Variants in ZC2HC1B observed in about 807,000 individuals in gnomAD.
ZC2HC1B encodes zinc finger C2HC domain-containing protein 1B.
In ZC2HC1B, 36 loss-of-function variants were observed where a neutral mutation model predicts 31.0. That is an observed-to-expected ratio of 1.16 (90% confidence interval 0.89 to 1.54). The LOEUF is 1.54. ZC2HC1B is among the 40% of genes most tolerant of loss of function. The probability of loss-of-function intolerance (pLI) is 0.00; values close to 1 mark genes in which losing one functional copy is unlikely to be tolerated. For synonymous variants in ZC2HC1B, 73 were observed against 88.0 expected, an observed-to-expected ratio of 0.83 and a Z score of 0.95; for missense variants, 260 against 268.6, an observed-to-expected ratio of 0.97 and a Z score of 0.22.
chr6:143,909,110 GA>G (rs749462930), intron 6 of ZC2HC1B, among the ~76,000 whole-genome samples: 4 of 152,158 alleles, frequency 2.6e-5, no homozygotes, highest in Non-Finnish European at 4.4e-5. Flanking sequence ...GCATCTCAGG[GA>G]TGAAGCCTAC....
At chr6:143,882,683 C>T (rs993849261) in intron 1 of ZC2HC1B, among the ~76,000 whole-genome samples, 5 of 152,122 alleles carry the variant, frequency 3.3e-5, no homozygotes, top group Middle Eastern at 3.4e-3. Flanking sequence ...CTTTCCATGA[C>T]TTCTTCCCTG....
rs764007243 is a variant in ZC2HC1B at position 143,864,528 on chromosome 6, G to A, written c.-12G>A. The A allele has an allele frequency of 6.4e-7, 1 of 1,551,520 alleles. No homozygotes were observed. Among genetic ancestry groups the A allele is most frequent in the African/African-American group, 1.4e-5 (1 of 73,054 alleles). Reference sequence around the variant, plus strand: ...AAATCTGTGAACACTGTTGCTCTGAGTTAGGAACAGAATGGCTGGGGCAGA... The same window carrying A: ...AAATCTGTGAACACTGTTGCTCTGAATTAGGAACAGAATGGCTGGGGCAGA... On this transcript the variant is annotated 5_prime_UTR_variant, in exon 1 of 8. Coordinates refer to ENST00000237275, the MANE Select transcript of ZC2HC1B (RefSeq NM_001013623.3).
chr6:143,881,296 A>G (rs1356986580), intron 1 of ZC2HC1B, among the ~76,000 whole-genome samples: 1 of 152,110 alleles, frequency 6.6e-6, no homozygotes, highest in African/African-American at 2.4e-5. Context: ...TACACCTGCA[A>G]TCCCAATACT....
chr6:143,917,999 A>C lies in ZC2HC1B; in HGVS notation c.598+14847A>C, dbSNP rs1193887457. Reference sequence around the variant, plus strand: ...ATAGTACTAGCTTTTATAATTGTCCATGCATTTACCTTTATTGAGATTTTG... The same window carrying C: ...ATAGTACTAGCTTTTATAATTGTCCCTGCATTTACCTTTATTGAGATTTTG... On this transcript the variant is annotated intron_variant, in intron 6 of 7. Coordinates refer to ENST00000237275, the MANE Select transcript of ZC2HC1B (RefSeq NM_001013623.3). The surrounding 1 kb of genome is among the most constrained non-coding windows in gnomAD (Gnocchi z 4.1). Among the ~76,000 whole-genome samples the C allele has an allele frequency of 1.3e-5, 2 of 152,206 alleles. No individual in the cohort carries two copies. The highest frequency in any genetic ancestry group is 2.9e-5 in the Non-Finnish European group (2 of 68,034).
rs1777542719 is a variant in ZC2HC1B at position 143,887,381 on chromosome 6, T to C, written c.349+560T>C. The stretch of plus-strand genomic sequence containing the variant: ...TATCTTTTTTTCTTTGGCAGAACCA[T>C]TTAAAAGTAAGTTCCAAGCATCATT... On this transcript the variant is annotated intron_variant, in intron 4 of 7. Transcript: ENST00000237275. This position sits in a 1 kb window ranked among gnomAD's most constrained non-coding sequence, Gnocchi z 5.1. Among the ~76,000 whole-genome samples, 1 of 152,218 alleles carries C rather than the reference T, an allele frequency of 6.6e-6. No individual in the cohort carries two copies. The highest frequency in any genetic ancestry group is 2.4e-5 in the African/African-American group (1 of 41,464).
rs576763290 is a variant in ZC2HC1B at position 143,893,992 on chromosome 6, G to A, written c.350-4560G>A. 1.7e-3 allele frequency among the ~76,000 whole-genome samples: 251 copies of A among 152,114 alleles called. 1 individual carries two copies. Among genetic ancestry groups the A allele is most frequent in the African/African-American group, 4.4e-3 (181 of 41,510 alleles). On this transcript the variant is annotated intron_variant, in intron 4 of 7. Coordinates refer to ENST00000237275, the MANE Select transcript of ZC2HC1B (RefSeq NM_001013623.3). Reference sequence around the variant, plus strand: ...TGAGCCACCGCGCCCGGCCTGCACTGGTATTTTCTTAATAAGTTAAACATA... The same window carrying A: ...TGAGCCACCGCGCCCGGCCTGCACTAGTATTTTCTTAATAAGTTAAACATA...
chr6:143,927,076 G>A (rs1011289052), intron 6 of ZC2HC1B, among the ~76,000 whole-genome samples: 13 of 151,808 alleles, frequency 8.6e-5, no homozygotes, highest in Admixed American at 5.9e-4. Context: ...GGGATTACAG[G>A]CGTGAGCCAC....
rs574913426 is a variant in ZC2HC1B at position 143,926,960 on chromosome 6, G to A, written c.599-10689G>A. On this transcript the variant is annotated intron_variant, in intron 6 of 7. Transcript: ENST00000237275. Reference sequence around the variant, plus strand: ...CGAGTAGCTGGGACTACAGGCGCCCGGCTAATTTTTTGTATTTTTAGTAGA... The same window carrying A: ...CGAGTAGCTGGGACTACAGGCGCCCAGCTAATTTTTTGTATTTTTAGTAGA... Among the ~76,000 whole-genome samples the A allele has an allele frequency of 2.0e-3, 266 of 130,408 alleles. 13 individuals are homozygous for A. The highest frequency in any genetic ancestry group is 3.5e-3 in the Non-Finnish European group (220 of 62,898). 85.6% of individuals were successfully genotyped at this position (130,408 alleles called of 152,430 possible). A position where few individuals can be genotyped will look rare whatever the true frequency, so the allele number is the denominator to read the frequency against.
In ZC2HC1B at chr6:143,884,982, A is replaced by C. The variant is rs967312094; in HGVS notation, c.90+617A>C. Among the ~76,000 whole-genome samples the C allele has an allele frequency of 1.3e-5, 2 of 152,226 alleles. No individual in the cohort carries two copies. Among genetic ancestry groups the C allele is most frequent in the African/African-American group, 4.8e-5 (2 of 41,462 alleles). On this transcript the variant is annotated intron_variant, in intron 2 of 7. Transcript: ENST00000237275. The surrounding 1 kb of genome is among the most constrained non-coding windows in gnomAD (Gnocchi z 5.1). Reference sequence around the variant, plus strand: ...GAATAAAAGCTTGATTTATTTCAAAATTAGGGAATCAAATAGATGGTATGC... The same window carrying C: ...GAATAAAAGCTTGATTTATTTCAAACTTAGGGAATCAAATAGATGGTATGC...
intron 4 of ZC2HC1B, among the ~76,000 whole-genome samples, chr6:143,897,561 T>C (rs749137256): frequency 6.6e-6 from 1 of 151,762 alleles, no homozygotes; most frequent in Non-Finnish European, 1.5e-5. Flanking sequence ...GGCCATTGCA[T>C]CTCTGGAAGC....
intron 1 of ZC2HC1B, among the ~76,000 whole-genome samples, chr6:143,866,368 C>T (rs576008306): frequency 9.2e-5 from 14 of 152,356 alleles, no homozygotes; most frequent in Admixed American, 5.9e-4. Flanking sequence ...CAATACAGCA[C>T]GCTGTAGAGT....
chr6:143,873,244 A>G (rs569627217), intron 1 of ZC2HC1B, among the ~76,000 whole-genome samples: 3 of 152,354 alleles, frequency 2.0e-5, no homozygotes, highest in South Asian at 4.1e-4. Flanking sequence ...CTTTGACTCC[A>G]TGTCTCACAT....
rs985368919 is a variant in ZC2HC1B at position 143,872,806 on chromosome 6, T to C, written c.28+8239T>C. Among the ~76,000 whole-genome samples, 1 of 152,132 alleles carries C rather than the reference T, an allele frequency of 6.6e-6. No individual in the cohort carries two copies. The highest frequency in any genetic ancestry group is 2.4e-5 in the African/African-American group (1 of 41,426). On this transcript the variant is annotated intron_variant, in intron 1 of 7. Coordinates refer to ENST00000237275, the MANE Select transcript of ZC2HC1B (RefSeq NM_001013623.3). This position sits in a 1 kb window ranked among gnomAD's most constrained non-coding sequence, Gnocchi z 5.5. The stretch of plus-strand genomic sequence containing the variant: ...ATAGCATGGGAAAGACCGGCCCCCA[T>C]TTAGTTATCTTCCTCTGGGTCCCTC...
At position 143,921,995 on chromosome 6, in the gene ZC2HC1B, A is replaced by G. The variant is rs1777989888; in HGVS notation, c.599-15654A>G. Among the ~76,000 whole-genome samples the G allele has an allele frequency of 6.6e-6, 1 of 152,202 alleles. No individual in the cohort carries two copies. Among genetic ancestry groups the G allele is most frequent in the African/African-American group, 2.4e-5 (1 of 41,446 alleles). On this transcript the variant is annotated intron_variant, in intron 6 of 7. Transcript: ENST00000237275. This position sits in a 1 kb window ranked among gnomAD's most constrained non-coding sequence, Gnocchi z 6.1. ...ATGTGTCTTTAAATTAGTCACATAT[A>G]ATTTGGAGCCATTCTGGGGAGGAAT...
Position 143,864,668 on chromosome 6 carries a change from T to C in ZC2HC1B, c.28+101T>C, listed in dbSNP as rs1034215025. ...TGGTAGGTATTAGCTTGTTCTACCA[T>C]GTGTGATCCGTTTAAATCTAAGTAT... On this transcript the variant is annotated intron_variant, in intron 1 of 7. Transcript: ENST00000237275. 7.1e-6 allele frequency: 9 copies of C among 1,261,040 alleles called. No individual in the cohort carries two copies. In the African/African-American group the frequency reaches 8.9e-5, roughly 13 times the overall value. 78.1% of individuals were successfully genotyped at this position (1,261,040 alleles called of 1,614,324 possible). A position where few individuals can be genotyped will look rare whatever the true frequency, so the allele number is the denominator to read the frequency against.
At chr6:143,892,035 G>A (rs1447424535) in intron 4 of ZC2HC1B, among the ~76,000 whole-genome samples, 1 of 152,180 alleles carries the variant, frequency 6.6e-6, no homozygotes, top group Non-Finnish European at 1.5e-5. Flanking sequence ...ATGGAAAAAT[G>A]AACCTTGATT....
intron 6 of ZC2HC1B, among the ~76,000 whole-genome samples, chr6:143,916,508 C>T (rs1003366836): frequency 1.3e-5 from 2 of 152,230 alleles, no homozygotes; most frequent in Non-Finnish European, 2.9e-5. Context: ...GGTAGATCCA[C>T]TGACAGTGTG....
rs143785342 is a variant in ZC2HC1B, at chr6:143,893,339, C to T, written c.350-5213C>T. Among the ~76,000 whole-genome samples, 425 of 152,164 alleles carry T rather than the reference C, an allele frequency of 2.8e-3. 4 individuals carry two copies. Among genetic ancestry groups the T allele is most frequent in the African/African-American group, 9.8e-3 (409 of 41,528 alleles). On this transcript the variant is annotated intron_variant, in intron 4 of 7. Coordinates refer to ENST00000237275, the MANE Select transcript of ZC2HC1B (RefSeq NM_001013623.3). Reference sequence around the variant, plus strand: ...CAGCACTTTGGGAGGCCAAGGTAGGCGGATCCCTTGAGGCCGGGAGTTTGA... The same window carrying T: ...CAGCACTTTGGGAGGCCAAGGTAGGTGGATCCCTTGAGGCCGGGAGTTTGA...
At chr6:143,929,677 G>C (rs1276574479) in intron 6 of ZC2HC1B, among the ~76,000 whole-genome samples, 2 of 152,074 alleles carry the variant, frequency 1.3e-5, no homozygotes, top group African/African-American at 4.8e-5. Context: ...ATAAAATTTG[G>C]CTGTGAATCT....
Sources: gnomAD v4.1 joint callset for allele counts (sites outside exome capture counted in the v4.1 genomes callset) on GRCh38, gnomAD v4.1.1 for gene constraint, Gnocchi (gnomAD v3.1) non-coding constraint, MANE v1.5 for transcripts, NCBI Gene and HGNC (gene_info 2026-07-23, HGNC 2026-07-21) for gene names.